Variants in FER observed in about 807,000 individuals in gnomAD.
FER encodes the protein tyrosine-protein kinase Fer.
A neutral mutation model predicts 111.0 loss-of-function variants in FER; 63 were observed. That is an observed-to-expected ratio of 0.57 (90% CI 0.46 to 0.70). The LOEUF (loss-of-function observed/expected upper bound fraction) is 0.70. FER is among the 30% of genes least tolerant of loss of function. The pLI is 0.00. For synonymous variants in FER, 327 were observed against 313.9 expected, an observed-to-expected ratio of 1.04 and a Z score of -0.44; for missense variants, 914 against 954.0, an observed-to-expected ratio of 0.96 and a Z score of 0.55.
At chr5:108,893,817 C>T (rs779077099) in intron 9 of FER, among the ~76,000 whole-genome samples, 4 of 151,924 alleles carry the variant, frequency 2.6e-5, no homozygotes, top group African/African-American at 4.8e-5. Context: ...AATGAATAGT[C>T]GTCTTTTAAA....
intron 2 of FER, among the ~76,000 whole-genome samples, chr5:108,779,244 T>C (rs1265068939): frequency 6.6e-6 from 1 of 152,160 alleles, no homozygotes; most frequent in Non-Finnish European, 1.5e-5. Context: ...GCAGTATCAG[T>C]CTTCCAACTT....
chr5:108,821,000 T>A (rs1200394417), intron 3 of FER, among the ~76,000 whole-genome samples: 1 of 152,198 alleles, frequency 6.6e-6, no homozygotes, highest in Non-Finnish European at 1.5e-5. Flanking sequence ...TAATCCCAGC[T>A]ACTCGGGAGG....
intron 6 of FER, among the ~76,000 whole-genome samples, chr5:108,870,832 A>T (rs556305456): frequency 3.3e-5 from 5 of 152,118 alleles, no homozygotes; most frequent in Admixed American, 2.6e-4. Context: ...AATAATTTTG[A>T]TGACATTTTT....
chr5:109,073,671 T>G (rs1013114587), intron 16 of FER, among the ~76,000 whole-genome samples: 1 of 152,124 alleles, frequency 6.6e-6, no homozygotes, highest in Non-Finnish European at 1.5e-5. Flanking sequence ...GATTACACTT[T>G]TCCCTTCGTA....
At chr5:109,157,136 A>G (rs901679417) in intron 17 of FER, among the ~76,000 whole-genome samples, 28 of 152,126 alleles carry the variant, frequency 1.8e-4, no homozygotes, top group African/African-American at 6.3e-4. Context: ...GAAGCTTGGT[A>G]TAGCCCCTTA....
chr5:109,075,688 G>T (rs528477837), intron 16 of FER, among the ~76,000 whole-genome samples: 8 of 152,166 alleles, frequency 5.3e-5, no homozygotes, highest in African/African-American at 1.7e-4. Context: ...CTCCCAAAGT[G>T]CTGGGATTAC....
At chr5:108,996,769 T>A (rs1764035448) in intron 13 of FER, among the ~76,000 whole-genome samples, 1 of 152,226 alleles carries the variant, frequency 6.6e-6, no homozygotes. Context: ...CCATATGCAA[T>A]TTAAAGTAGT....
intron 5 of FER, among the ~76,000 whole-genome samples, chr5:108,844,461 C>T (rs1761674328): frequency 6.6e-6 from 1 of 151,944 alleles, no homozygotes; most frequent in Non-Finnish European, 1.5e-5. Context: ...TTGCCCTTAC[C>T]CTCTTTATTT....
intron 16 of FER, among the ~76,000 whole-genome samples, chr5:109,068,017 C>G (rs968450740): frequency 9.2e-5 from 14 of 152,190 alleles, no homozygotes; most frequent in Middle Eastern, 3.4e-3. Context: ...ATAAGAATGT[C>G]AGAAAGTATT....
chr5:108,808,918 A>T lies in FER; in HGVS notation c.207+10529A>T, dbSNP rs147432613. Among the ~76,000 whole-genome samples the T allele has an allele frequency of 2.6e-5, 4 of 152,268 alleles. No homozygotes were observed. In the East Asian group the frequency reaches 7.7e-4, roughly 29 times the overall value. On this transcript the variant is annotated intron_variant, in intron 3 of 19. Transcript: ENST00000281092. The stretch of plus-strand genomic sequence containing the variant: ...AAAGATGGCTGAAAGTACACCCCTA[A>T]TCTTCCCTGGCTTAGAAGATTTCTG...
At chr5:108,780,084 A>G (rs1353224206) in intron 2 of FER, among the ~76,000 whole-genome samples, 1 of 152,324 alleles carries the variant, frequency 6.6e-6, no homozygotes, top group African/African-American at 2.4e-5. Flanking sequence ...ATACATAATC[A>G]AATATATTGT....
At chr5:109,037,383 T>G in intron 13 of FER, 39 bp from the exon 14 acceptor site, 2 of 1,567,838 alleles carry the variant, frequency 1.3e-6, no homozygotes, top group Non-Finnish European at 1.8e-6. Flanking sequence ...AAGTGTACCC[T>G]TGCTTGTACT....
chr5:108,961,283 C>T (rs1467799243), intron 13 of FER, among the ~76,000 whole-genome samples: 1 of 152,118 alleles, frequency 6.6e-6, no homozygotes, highest in Non-Finnish European at 1.5e-5. Context: ...TGTCTACAGG[C>T]TTAGCCAGGT....
intron 16 of FER, among the ~76,000 whole-genome samples, chr5:109,077,342 C>G (rs1329499181): frequency 1.3e-5 from 2 of 152,014 alleles, no homozygotes; most frequent in African/African-American, 4.8e-5. Context: ...GAATTAACTG[C>G]TAAATCAAGT....
intron 5 of FER, among the ~76,000 whole-genome samples, chr5:108,846,640 T>TG (rs2150174816): frequency 6.6e-6 from 1 of 152,166 alleles, no homozygotes; most frequent in South Asian, 2.1e-4. Context: ...TGGAGTGCAG[T>TG]GGCGCGATCA....
At chr5:109,046,531 A>G (rs1304427473) in intron 15 of FER, among the ~76,000 whole-genome samples, 1 of 152,176 alleles carries the variant, frequency 6.6e-6, no homozygotes, top group Non-Finnish European at 1.5e-5. Flanking sequence ...AATTTTTAAA[A>G]GAATATTAAA....
At chr5:109,169,771 A>C (rs77459548) in intron 17 of FER, among the ~76,000 whole-genome samples, 24 of 152,306 alleles carry the variant, frequency 1.6e-4, no homozygotes, top group Non-Finnish European at 3.4e-4. Context: ...AGTGTGGCCT[A>C]GGAGTCAGAA....
chr5:108,899,859 GA>G (rs1234016892), intron 10 of FER, among the ~76,000 whole-genome samples: 1 of 151,696 alleles, frequency 6.6e-6, no homozygotes. Flanking sequence ...AATCATTGAA[GA>G]AAAGTTTTGT....
At position 108,867,949 on chromosome 5, in the gene FER, C is replaced by T. The variant is rs572319194; in HGVS notation, c.664C>T (p.Leu222Phe). The T allele has an allele frequency of 6.3e-7, 1 of 1,593,642 alleles. No individual in the cohort carries two copies. Among genetic ancestry groups the T allele is most frequent in the East Asian group, 2.2e-5 (1 of 44,682 alleles). ...GATGCAAGAAGAAATGATAAAAGCACTGTAAGATACATTTTCTTTTTATCA... is the reference window on the plus strand; with the variant it reads ...GATGCAAGAAGAAATGATAAAAGCATTGTAAGATACATTTTCTTTTTATCA... ...QKMQEEMIKALKGIFDEYSQI... is the reference protein window; with the variant it reads ...QKMQEEMIKAFKGIFDEYSQI... The change falls in exon 6 of 20, where the codon CTC (leucine) becomes TTC (phenylalanine). Residue 222 changes from leucine to phenylalanine, a missense_variant and splice_region_variant. Coordinates refer to ENST00000281092, the MANE Select transcript of FER (RefSeq NM_005246.4).
Sources: allele counts gnomAD v4.1 joint callset (sites outside exome capture counted in the v4.1 genomes callset), GRCh38; gene constraint gnomAD v4.1.1; transcripts MANE v1.5; gene names NCBI Gene and HGNC (gene_info 2026-07-23, HGNC 2026-07-21).